Variants in ACVR1C observed in about 807,000 individuals in gnomAD.
The protein encoded by ACVR1C is activin receptor type-1C.
Under a neutral mutation model 57.9 loss-of-function variants are expected in ACVR1C, and 23 were observed. The observed-to-expected ratio is 0.40, with a 90% CI of 0.29 to 0.56. ACVR1C has a LOEUF of 0.56. Among genes scored for constraint, ACVR1C ranks in the 20% least tolerant of loss-of-function variants. The probability of loss-of-function intolerance (pLI) is 0.50; values close to 1 mark genes in which losing one functional copy is unlikely to be tolerated. For synonymous variants in ACVR1C, 214 were observed against 215.3 expected, an observed-to-expected ratio of 0.99 and a Z score of 0.05; for missense variants, 480 against 607.9, an observed-to-expected ratio of 0.79 and a Z score of 2.21.
chr2:157,557,876 TATG>T (rs1303262683), intron 2 of ACVR1C, among the ~76,000 whole-genome samples: 2 of 152,214 alleles, frequency 1.3e-5, no homozygotes, highest in African/African-American at 4.8e-5. Context: ...ATGAAAAATC[TATG>T]ATGACAGATA....
chr2:157,623,407 T>C (rs1682828380), intron 1 of ACVR1C, among the ~76,000 whole-genome samples: 2 of 152,162 alleles, frequency 1.3e-5, no homozygotes, highest in Non-Finnish European at 2.9e-5. Context: ...ATATACACAA[T>C]GGAGTACTAT....
chr2:157,562,999 C>G (rs1688278320), intron 2 of ACVR1C, among the ~76,000 whole-genome samples: 2 of 152,072 alleles, frequency 1.3e-5, no homozygotes, highest in African/African-American at 4.8e-5. Flanking sequence ...TATGACAACC[C>G]CACAGCCAAT....
At chr2:157,537,567 G>T (rs1035675440) in intron 8 of ACVR1C, among the ~76,000 whole-genome samples, 16 of 151,868 alleles carry the variant, frequency 1.1e-4, no homozygotes, top group Non-Finnish European at 2.4e-4. Context: ...TTAGAAAAGG[G>T]TTGAGAAACA....
At chr2:157,593,706 G>A (rs546988360) in intron 1 of ACVR1C, among the ~76,000 whole-genome samples, 1 of 152,254 alleles carries the variant, frequency 6.6e-6, no homozygotes, top group Non-Finnish European at 1.5e-5. Flanking sequence ...ATCGGGCAAA[G>A]ATCTAGCTTC....
At chr2:157,623,201 GT>G (rs1682821431) in intron 1 of ACVR1C, among the ~76,000 whole-genome samples, 2 of 152,114 alleles carry the variant, frequency 1.3e-5, no homozygotes, top group Admixed American at 6.5e-5. Flanking sequence ...CCCTTTGGAG[GT>G]TCCTCAAAAA....
chr2:157,562,682 A>G lies in ACVR1C; in HGVS notation c.305-6350T>C, dbSNP rs571496427. Among the ~76,000 whole-genome samples the G allele has an allele frequency of 2.0e-5, 3 of 152,018 alleles. No homozygotes were observed. The East Asian group carries it at 5.8e-4, about 29-fold the overall frequency. ...AGACACAACAAAAAAAGAAAACTTC[A>G]GGCCAATATCCCTGATGAACATCAA... On this transcript the variant is annotated intron_variant, in intron 2 of 8. Transcript: ENST00000243349.
Position 157,545,323 on chromosome 2 carries a change from CAG to C in ACVR1C, c.776-713_776-712del, listed in dbSNP as rs374335819. Among the ~76,000 whole-genome samples the C allele has an allele frequency of 2.1e-3, 316 of 152,302 alleles. 5 individuals carry two copies. The highest frequency in any genetic ancestry group is 7.3e-3 in the African/African-American group (304 of 41,566). On this transcript the variant is annotated intron_variant, in intron 4 of 8. Transcript: ENST00000243349. ...GGCAGTCCTGACCAGTTCTGACACT[CAG>C]GGAAAGGATCTATAATGAACATTTG...
At chr2:157,549,875 C>T (rs1361286385) in intron 4 of ACVR1C, among the ~76,000 whole-genome samples, 2 of 143,722 alleles carry the variant, frequency 1.4e-5, no homozygotes, top group African/African-American at 2.6e-5. Context: ...TAGTGGCGGG[C>T]GCCTGTAGTC....
At chr2:157,599,405 C>T (rs1258030125) in intron 1 of ACVR1C, among the ~76,000 whole-genome samples, 1 of 144,028 alleles carries the variant, frequency 6.9e-6, no homozygotes, top group African/African-American at 2.6e-5. Flanking sequence ...CTAATAATGG[C>T]AGACCAGGTG....
intron 2 of ACVR1C, among the ~76,000 whole-genome samples, chr2:157,566,792 C>A (rs905444396): frequency 2.0e-5 from 3 of 152,096 alleles, no homozygotes; most frequent in Admixed American, 2.0e-4. Flanking sequence ...GGAGGGGCGC[C>A]CGCCATTGCC....
rs1336685811 is a variant in ACVR1C at position 157,533,359 on chromosome 2, A to G, written c.*559T>C. On this transcript the variant is annotated 3_prime_UTR_variant, in exon 9 of 9. Coordinates refer to ENST00000243349, the MANE Select transcript of ACVR1C (RefSeq NM_145259.3). ...AACAGCAGAAGGGGAGACCAAGCAC[A>G]TGGGACACCCACCTCACTTACATCT... 1 of 152,512 alleles carries G rather than the reference A, an allele frequency of 6.6e-6. No homozygotes were observed. The highest frequency in any genetic ancestry group is 1.5e-5 in the Non-Finnish European group (1 of 68,058). The allele number at this position is 152,512 out of a possible 1,614,324, so 9.4% of individuals were successfully genotyped here.
chr2:157,563,647 C>T (rs1688293812), intron 2 of ACVR1C, among the ~76,000 whole-genome samples: 1 of 152,158 alleles, frequency 6.6e-6, no homozygotes, highest in Non-Finnish European at 1.5e-5. Context: ...AAAAAAGAGC[C>T]TGTATAGCCA....
At chr2:157,596,347 C>T (rs1258524497) in intron 1 of ACVR1C, among the ~76,000 whole-genome samples, 2 of 151,970 alleles carry the variant, frequency 1.3e-5, no homozygotes, top group South Asian at 2.1e-4. Flanking sequence ...GGGGGCAGAA[C>T]GATACTTGCC....
chr2:157,540,193 A>G (rs1014270464), intron 7 of ACVR1C, among the ~76,000 whole-genome samples: 2 of 152,216 alleles, frequency 1.3e-5, no homozygotes, highest in Non-Finnish European at 2.9e-5. Context: ...GAAATCAGAC[A>G]TTCAAGGAAT....
intron 1 of ACVR1C, among the ~76,000 whole-genome samples, chr2:157,609,229 T>C (rs559747047): frequency 6.6e-6 from 1 of 151,956 alleles, no homozygotes; most frequent in South Asian, 2.1e-4. Flanking sequence ...CTTGACTCAA[T>C]GGTTGTTTAG....
intron 7 of ACVR1C, among the ~76,000 whole-genome samples, chr2:157,540,055 T>C (rs1186564221): frequency 1.3e-5 from 2 of 152,248 alleles, no homozygotes; most frequent in African/African-American, 4.8e-5. Flanking sequence ...ATCGAATGTT[T>C]ACTGTGAACA....
At chr2:157,580,823 C>T (rs1435233864) in intron 2 of ACVR1C, among the ~76,000 whole-genome samples, 2 of 151,586 alleles carry the variant, frequency 1.3e-5, no homozygotes, top group South Asian at 2.1e-4. Context: ...GTCAGATCAG[C>T]GATTCTTGCA....
chr2:157,557,065 T>C (rs1469247253), intron 2 of ACVR1C, among the ~76,000 whole-genome samples: 1 of 152,030 alleles, frequency 6.6e-6, no homozygotes, highest in African/African-American at 2.4e-5. Flanking sequence ...GGAGATACAA[T>C]GGTGAGGAAA....
At chr2:157,539,200 TTC>T (rs1183610416) in intron 7 of ACVR1C, among the ~76,000 whole-genome samples, 8 of 152,064 alleles carry the variant, frequency 5.3e-5, no homozygotes, top group Admixed American at 1.3e-4. Context: ...CAAAACAGCT[TTC>T]TCTCTTTGAA....
Sources: allele counts gnomAD v4.1 joint callset (sites outside exome capture counted in the v4.1 genomes callset), GRCh38; gene constraint gnomAD v4.1.1; transcripts MANE v1.5; gene names NCBI Gene and HGNC (gene_info 2026-07-23, HGNC 2026-07-21).